ZNF398: variants seen among roughly 807,000 people sequenced by gnomAD.
ZNF398 encodes the protein zinc finger DNA binding protein ZER6.
ZNF398 carries 18 observed loss-of-function variants against 41.9 expected under a neutral mutation model. The ratio of observed to expected loss-of-function variants is 0.43; its 90% confidence interval spans 0.30 to 0.64. ZNF398 has a LOEUF of 0.64. Ranked by LOEUF, ZNF398 falls within the 30% of genes least tolerant of loss-of-function variation. ZNF398 has a pLI of 0.14. For missense variants in ZNF398, 669 were observed against 822.8 expected (o/e 0.81, Z 2.29); for synonymous variants, 260 against 308.8 (o/e 0.84, Z 1.66).
upstream of ZNF398, among the ~76,000 whole-genome samples, chr7:149,145,035 A>C (rs1024729523): frequency 6.6e-6 from 1 of 152,208 alleles, no homozygotes; most frequent in African/African-American, 2.4e-5. Context: ...TCTGACAAAT[A>C]TGTATATTCA....
At chr7:149,173,413 T>C (rs1160829801) in intron 4 of ZNF398, among the ~76,000 whole-genome samples, 3 of 152,004 alleles carry the variant, frequency 2.0e-5, no homozygotes, top group Admixed American at 1.3e-4. Context: ...GGCTGAAATA[T>C]GTTTATTTAT....
intron 2 of ZNF398, among the ~76,000 whole-genome samples, chr7:149,163,719 C>T (rs529600498): frequency 6.6e-6 from 1 of 152,298 alleles, no homozygotes; most frequent in East Asian, 1.9e-4. Context: ...GGGTGATCCA[C>T]CCGCCTTGGC....
intron 2 of ZNF398, among the ~76,000 whole-genome samples, chr7:149,136,052 G>A (rs1042547303): frequency 6.6e-6 from 1 of 152,112 alleles, no homozygotes; most frequent in Non-Finnish European, 1.5e-5. Flanking sequence ...GGTATCATGT[G>A]TAAGAACTCT....
At chr7:149,173,594 C>T (rs1795396416) in intron 4 of ZNF398, among the ~76,000 whole-genome samples, 1 of 152,028 alleles carries the variant, frequency 6.6e-6, no homozygotes, top group Admixed American at 6.6e-5. Flanking sequence ...TGTTCATCCC[C>T]ATCAGAGCTT....
At chr7:149,141,640 G>C (rs1404918100) in intron 2 of ZNF398, among the ~76,000 whole-genome samples, 3 of 151,984 alleles carry the variant, frequency 2.0e-5, no homozygotes, top group Non-Finnish European at 4.4e-5. Flanking sequence ...ATTTTTAGTA[G>C]AGACGGGGTT....
upstream of ZNF398, among the ~76,000 whole-genome samples, chr7:149,144,041 A>G (rs553116841): frequency 7.2e-5 from 11 of 152,332 alleles, no homozygotes; most frequent in Non-Finnish European, 1.6e-4. Context: ...AGTCAGTGAA[A>G]TTGCTTAATG....
chr7:149,139,125 T>C (rs1826772063), intron 2 of ZNF398, among the ~76,000 whole-genome samples: 1 of 152,112 alleles, frequency 6.6e-6, no homozygotes, highest in African/African-American at 2.4e-5. Context: ...GACCAGATGG[T>C]CTTGATTTCT....
intron 1 of ZNF398, among the ~76,000 whole-genome samples, chr7:149,149,201 T>C (rs1056712769): frequency 3.1e-4 from 47 of 152,056 alleles, no homozygotes; most frequent in African/African-American, 1.0e-3. Context: ...ACTCAATATA[T>C]GCAAAATATT....
chr7:149,145,744 T>C (rs1043193031), upstream of ZNF398, among the ~76,000 whole-genome samples: 3 of 152,052 alleles, frequency 2.0e-5, no homozygotes, highest in Non-Finnish European at 4.4e-5. Flanking sequence ...ATTCCCAAAT[T>C]CCTAGCAGAG....
At chr7:149,131,499 A>G (rs1254931308) in intron 2 of ZNF398, among the ~76,000 whole-genome samples, 1 of 152,170 alleles carries the variant, frequency 6.6e-6, no homozygotes, top group Non-Finnish European at 1.5e-5. Flanking sequence ...AATCCTGGCC[A>G]ATACGGTGAA....
intron 2 of ZNF398, among the ~76,000 whole-genome samples, chr7:149,131,575 A>T (rs1167495171): frequency 6.6e-6 from 1 of 152,130 alleles, no homozygotes; most frequent in Non-Finnish European, 1.5e-5. Flanking sequence ...AGTCCCAGCT[A>T]CTCGGGAGGC....
intron 2 of ZNF398, among the ~76,000 whole-genome samples, chr7:149,142,031 T>C (rs1051009571): frequency 6.6e-6 from 1 of 151,942 alleles, no homozygotes; most frequent in African/African-American, 2.4e-5. Context: ...TTACTACAGC[T>C]CCAAACTCCT....
rs891936297 is a variant in ZNF398 at position 149,129,088 on chromosome 7, C to G, written c.-490+144C>G. 5 of 152,232 alleles carry G rather than the reference C, an allele frequency of 3.3e-5. No homozygotes were observed. The East Asian group carries it at 9.7e-4, about 29-fold the overall frequency. 9.4% of individuals were successfully genotyped at this position (152,232 alleles called of 1,614,324 possible). On this transcript the variant is annotated intron_variant, in intron 2 of 6. Coordinates refer to the ZNF398 transcript ENST00000426851. ...GTGCTGGGATTACAGGCATGAGCCA[C>G]TGTGCCTGGCCCTATATTTTCATAT...
chr7:149,179,392 G>A lies in ZNF398; in HGVS notation c.1520G>A (p.Gly507Asp). The change falls in exon 6 of 6, where the codon GGC becomes GAC. Residue 507 changes from glycine (G) to aspartate (D), a missense_variant. Physicochemically the swap from Gly to Asp is moderately conservative, Grantham distance 94. Coordinates refer to ENST00000475153, the MANE Select transcript of ZNF398 (RefSeq NM_170686.3). The surrounding 1 kb of genome is among the most constrained non-coding windows in gnomAD (Gnocchi z 6.1). The stretch of plus-strand genomic sequence containing the variant: ...ATCCGCCACCAGATGATCCACACAG[G>A]CGAGCGTCCTTACCCCTGCACTGAC... The part of the protein sequence containing the change: ...ALIRHQMIHT[G>D]ERPYPCTDCS... 1 of 1,613,652 alleles carries A rather than the reference G, an allele frequency of 6.2e-7. No homozygotes were observed. The highest frequency in any genetic ancestry group is 8.5e-7 in the Non-Finnish European group (1 of 1,180,022).
chr7:149,163,851 G>A (rs1355162528), intron 2 of ZNF398, among the ~76,000 whole-genome samples: 2 of 152,152 alleles, frequency 1.3e-5, no homozygotes, highest in Admixed American at 6.6e-5. Context: ...GGTGGCTCAC[G>A]CCTGTAATCC....
intron 2 of ZNF398, among the ~76,000 whole-genome samples, chr7:149,155,730 A>ATTTATT (rs148643688): frequency 0.095 from 8,731 of 91,562 alleles, 489 homozygotes; most frequent in East Asian, 0.22. Context: ...TTTTTTTTTT[A>ATTTATT]ATTTTTTTTT....
intron 2 of ZNF398, among the ~76,000 whole-genome samples, chr7:149,135,244 G>A (rs979284546): frequency 2.6e-5 from 4 of 151,664 alleles, no homozygotes; most frequent in African/African-American, 9.7e-5. Flanking sequence ...CAAAAAAATA[G>A]CCGGGCGTCG....
At position 149,166,811 on chromosome 7, in the gene ZNF398, T is replaced by G. The variant is rs1585532846; in HGVS notation, c.548-6T>G. 5 of 1,592,878 alleles carry G rather than the reference T, an allele frequency of 3.1e-6. No homozygotes were observed. The highest frequency in any genetic ancestry group is 1.7e-5 in the Admixed American group (1 of 59,338). ...TAATACTCTCTCTTCCTTTTTCCTC[T>G]CCTAGATTATGCTATAAATCAACCT... On this transcript the variant is annotated splice_polypyrimidine_tract_variant and splice_region_variant and intron_variant, in intron 3 of 5. Coordinates refer to ENST00000475153, the MANE Select transcript of ZNF398 (RefSeq NM_170686.3).
chr7:149,179,575 C>G lies in ZNF398; in HGVS notation c.1703C>G (p.Pro568Arg), dbSNP rs1795547144. ...QRIHTGERPY[P>R]CSYCGRSFRY... ...ATCCACACCGGGGAGCGGCCCTACC[C>G]CTGCTCCTACTGTGGCAGGAGCTTC... The change falls in exon 6 of 6, where the codon CCC (proline) becomes CGC (arginine). Residue 568 changes from proline to arginine, a missense_variant. This residue lies in a region of ZNF398 where 210 missense variants were observed against 290.4 expected (regional missense o/e 0.72). Transcript: ENST00000475153. This position sits in a 1 kb window ranked among gnomAD's most constrained non-coding sequence, Gnocchi z 6.1. The G allele has an allele frequency of 6.2e-7, 1 of 1,614,122 alleles. No homozygotes were observed. The highest frequency in any genetic ancestry group is 1.3e-5 in the African/African-American group (1 of 74,934).
Sources: gnomAD v4.1 joint callset for allele counts (sites outside exome capture counted in the v4.1 genomes callset) on GRCh38, gnomAD v4.1.1 for gene constraint, gnomAD v4.1.1 regional missense constraint, Gnocchi (gnomAD v3.1) non-coding constraint, MANE v1.5 for transcripts, NCBI Gene and HGNC (gene_info 2026-07-23, HGNC 2026-07-21) for gene names.